The following SLC11A1 variants were observed in gnomAD, a reference collection of about 807,000 sequenced individuals.
SLC11A1 encodes the protein natural resistance-associated macrophage protein 1.
SLC11A1 carries 59 observed loss-of-function variants against 63.2 expected under a neutral mutation model. The ratio of observed to expected loss-of-function variants is 0.93; its 90% CI spans 0.76 to 1.16. SLC11A1 has a LOEUF of 1.16. Among genes scored for constraint, SLC11A1 ranks in the 50% most tolerant of loss-of-function variants. The pLI is 0.00. For synonymous variants in SLC11A1, 305 were observed against 307.8 expected, an observed-to-expected ratio of 0.99 and a Z score of 0.09; for missense variants, 688 against 730.7, an observed-to-expected ratio of 0.94 and a Z score of 0.67.
chr2:218,387,685 C>T, intron 7 of SLC11A1, 53 bp downstream of exon 7: 3 of 1,612,538 alleles, frequency 1.9e-6, no homozygotes, highest in Non-Finnish European at 2.5e-6. Flanking sequence ...TCATTCCTCT[C>T]CCTTCCCTCT....
At chr2:218,390,444 T>A (rs1000204732) in intron 9 of SLC11A1, among the ~76,000 whole-genome samples, 4 of 152,196 alleles carry the variant, frequency 2.6e-5, no homozygotes, top group Non-Finnish European at 2.9e-5. Context: ...GAAAAGGAAC[T>A]AGCCAGCTCC....
At position 218,387,955 on chromosome 2, in the gene SLC11A1, G is replaced by A. The variant is rs1696203874; in HGVS notation, c.795G>A (p.Lys265=). ...HNIYLHSALV[K]SREIDRARRA... ...TCTACCTGCACTCGGCCCTGGTCAA[G>A]GTGAGCAGAGGGGAGGGGAAAGGAG... The change falls in exon 8 of 15, where the codon AAG becomes AAA. Residue 265 remains lysine (K), a splice_region_variant and synonymous_variant. Coordinates refer to ENST00000233202, the MANE Select transcript of SLC11A1 (RefSeq NM_000578.4). The A allele has an allele frequency of 6.2e-7, 1 of 1,600,836 alleles. No individual in the cohort carries two copies. Among genetic ancestry groups the A allele is most frequent in the African/African-American group, 1.3e-5 (1 of 74,730 alleles).
intron 8 of SLC11A1, 91 bp downstream of exon 8, chr2:218,388,046 C>T: frequency 7.2e-7 from 1 of 1,396,254 alleles, no homozygotes; most frequent in South Asian, 1.5e-5. Flanking sequence ...CCCTCTGGCT[C>T]CTTCCCTCAG....
chr2:218,389,904 T>A lies in SLC11A1; in HGVS notation c.830T>A (p.Ile277Asn), dbSNP rs766937222. 6.2e-7 allele frequency: 1 copy of A among 1,613,834 alleles called. No individual in the cohort carries two copies. The highest frequency in any genetic ancestry group is 1.1e-5 in the South Asian group (1 of 91,068). ...ATAGACCGGGCCCGCCGAGCAGACA[T>A]CAGAGAAGCCAACATGTACTTCCTG... ...REIDRARRAD[I>N]REANMYFLIE... Residue 277 changes from isoleucine to asparagine, a missense_variant, in exon 9 of 15, where the codon ATC becomes AAC. Physicochemically the swap from Ile to Asn is moderately radical, Grantham distance 149. Transcript: ENST00000233202.
At chr2:218,392,688 T>G in intron 11 of SLC11A1, 17 of 333,706 alleles carry the variant, frequency 5.1e-5, no homozygotes, top group Non-Finnish European at 5.5e-5. Context: ...ATTTTACAGA[T>G]GAGAAAACAG....
chr2:218,389,273 G>A (rs1296561294), intron 8 of SLC11A1, among the ~76,000 whole-genome samples: 1 of 151,614 alleles, frequency 6.6e-6, no homozygotes, highest in Non-Finnish European at 1.5e-5. Context: ...ACAAGGCTTG[G>A]GTCCCTAACA....
chr2:218,384,504 C>A lies in SLC11A1; in HGVS notation c.273+139C>A. On this transcript the variant is annotated intron_variant, in intron 3 of 14. Coordinates refer to ENST00000233202, the MANE Select transcript of SLC11A1 (RefSeq NM_000578.4). The surrounding 1 kb of genome is among the most constrained non-coding windows in gnomAD (Gnocchi z 4.0). The stretch of plus-strand genomic sequence containing the variant: ...GTTCAAATGGGCCCGAAAAGGGTCC[C>A]CAGGGCAGCCCTGCCAGAAGGTGGG... 1 of 968,256 alleles carries A rather than the reference C, an allele frequency of 1.0e-6. No homozygotes were observed. 60.0% of individuals were successfully genotyped at this position (968,256 alleles called of 1,614,324 possible). A position where few individuals can be genotyped will look rare whatever the true frequency, so the allele number is the denominator to read the frequency against.
intron 4 of SLC11A1, 187 bp downstream of exon 4, chr2:218,385,453 C>T (rs1230832396): frequency 5.5e-6 from 4 of 721,120 alleles, no homozygotes; most frequent in East Asian, 3.3e-5. Context: ...TGCAATGGTG[C>T]GATGTCAGCT....
rs1695887829 is a variant in SLC11A1, at chr2:218,383,036, G to A, written c.84G>A (p.Gly28=). ...GCCCGACCAGCCCGACCAGCCCAGG[G>A]CCACAGCAAGCACCTCCCAGAGAGA... ...ISSPTSPTSP[G]PQQAPPRETY... Residue 28 remains glycine, a synonymous_variant, in exon 2 of 15, where the codon GGG becomes GGA. Transcript: ENST00000233202. 3 of 1,613,950 alleles carry A rather than the reference G, an allele frequency of 1.9e-6. No individual in the cohort carries two copies. The highest frequency in any genetic ancestry group is 2.2e-5 in the East Asian group (1 of 44,870).
chr2:218,394,547 G>A (rs2279015), intron 13 of SLC11A1, 85 bp from the exon 14 acceptor site: 588,928 of 1,462,860 alleles, frequency 0.4, 127,045 homozygotes, highest in African/African-American at 0.84. Context: ...CCCACCCCCA[G>A]TGTGGGCGCT....
chr2:218,386,152 G>A (rs1209045332), intron 4 of SLC11A1, among the ~76,000 whole-genome samples: 3 of 152,144 alleles, frequency 2.0e-5, no homozygotes, highest in Non-Finnish European at 4.4e-5. Flanking sequence ...AGAAGCAGGG[G>A]GAGAAAATGG....
chr2:218,387,636 G>C lies in SLC11A1; in HGVS notation c.639+4G>C, dbSNP rs758838129. On this transcript the variant is annotated splice_donor_region_variant and intron_variant, in intron 7 of 14. Coordinates refer to ENST00000233202, the MANE Select transcript of SLC11A1 (RefSeq NM_000578.4). ...GGCCTTGACCTTTGGCTATGAGGTA[G>C]GAAGCCAGTGCTGCAACCCCACTGT... 6.2e-7 allele frequency: 1 copy of C among 1,614,064 alleles called. No individual in the cohort carries two copies. Among genetic ancestry groups the C allele is most frequent in the Non-Finnish European group, 8.5e-7 (1 of 1,179,982 alleles).
rs753317112 is a variant in SLC11A1, at chr2:218,391,385, C to T, written c.1054C>T (p.Leu352=). The change falls in exon 11 of 15, where the codon CTG becomes TTG. Residue 352 remains leucine, a synonymous_variant. Coordinates refer to ENST00000233202, the MANE Select transcript of SLC11A1 (RefSeq NM_000578.4). ...ACACTCGTCCCTGCAGGGCGTGATC[C>T]TGGGCTGCCTGTTCGGCCCCGCGGC... ...AVDIYQGGVI[L]GCLFGPAALY... is the part of the protein sequence containing the mutation. 1 of 1,613,986 alleles carries T rather than the reference C, an allele frequency of 6.2e-7. No homozygotes were observed. The highest frequency in any genetic ancestry group is 8.5e-7 in the Non-Finnish European group (1 of 1,179,924).
At position 218,388,569 on chromosome 2, in the gene SLC11A1, G is replaced by A. The variant is rs570120313; in HGVS notation, c.795+614G>A. Reference sequence around the variant, plus strand: ...AGCACTTCAGGAGGCCGAGGCGGGCGGGCGGATCACGAGGTCAGGAGTTTG... The same window carrying A: ...AGCACTTCAGGAGGCCGAGGCGGGCAGGCGGATCACGAGGTCAGGAGTTTG... On this transcript the variant is annotated intron_variant, in intron 8 of 14. Transcript: ENST00000233202. Among the ~76,000 whole-genome samples the A allele has an allele frequency of 1.9e-4, 29 of 151,848 alleles. No individual in the cohort carries two copies. In the South Asian group the frequency reaches 2.7e-3, roughly 14 times the overall value.
rs1478186576 is a variant in SLC11A1 at position 218,396,402 on chromosome 2, G to A, written c.*1367G>A. On this transcript the variant is annotated 3_prime_UTR_variant, in exon 15 of 15. Transcript: ENST00000233202. Reference sequence around the variant, plus strand: ...CAGGACCTGCGGAGGGCCGCAGCGAGGAGAGGCCAACAGGCCTTTCCCTAG... The same window carrying A: ...CAGGACCTGCGGAGGGCCGCAGCGAAGAGAGGCCAACAGGCCTTTCCCTAG... 6.6e-6 allele frequency: 1 copy of A among 152,434 alleles called. No homozygotes were observed. The highest frequency in any genetic ancestry group is 1.5e-5 in the Non-Finnish European group (1 of 68,100). 9.4% of individuals were successfully genotyped at this position (152,434 alleles called of 1,614,324 possible).
rs1696149704 is a variant in SLC11A1, at chr2:218,387,150, C to G, written c.501-10C>G. 1 of 1,614,096 alleles carries G rather than the reference C, an allele frequency of 6.2e-7. No individual in the cohort carries two copies. Among genetic ancestry groups the G allele is most frequent in the Non-Finnish European group, 8.5e-7 (1 of 1,179,902 alleles). On this transcript the variant is annotated splice_polypyrimidine_tract_variant and intron_variant, in intron 5 of 14. Transcript: ENST00000233202. The stretch of plus-strand genomic sequence containing the variant: ...CCAGGCTGGGCTGACCCGGGCCACT[C>G]TGGTTTCAGAATCCCACTCTGGGGT...
chr2:218,386,582 C>A, intron 4 of SLC11A1, 53 bp from the exon 5 acceptor site: 1 of 1,287,636 alleles, frequency 7.8e-7, no homozygotes. Flanking sequence ...TAGTCTGAGA[C>A]GACAGGCAAA....
Position 218,394,550 on chromosome 2 carries a change from T to C in SLC11A1, c.1389-82T>C, listed in dbSNP as rs575577537. ...CCTCAGTGTATCCCCACCCCCAGTGTGGGCGCTGGGAGATGAAGAGGAGTT... is the reference window on the plus strand; with the variant it reads ...CCTCAGTGTATCCCCACCCCCAGTGCGGGCGCTGGGAGATGAAGAGGAGTT... On this transcript the variant is annotated intron_variant, in intron 13 of 14. Transcript: ENST00000233202. The C allele has an allele frequency of 4.9e-5, 72 of 1,466,716 alleles. No homozygotes were observed. In the South Asian group the frequency reaches 7.9e-4, roughly 16 times the overall value. 90.9% of individuals were successfully genotyped at this position (1,466,716 alleles called of 1,614,324 possible).
In SLC11A1 at chr2:218,394,122, C is replaced by T; in HGVS notation, c.1317C>T (p.Leu439=). Residue 439 remains leucine (L), a splice_region_variant and synonymous_variant, in exon 13 of 15, where the codon CTC becomes CTT. Coordinates refer to ENST00000233202, the MANE Select transcript of SLC11A1 (RefSeq NM_000578.4). The stretch of plus-strand genomic sequence containing the variant: ...TAGGCTCCTGCTGCTCTCCCCAGCT[C>T]CCGTTCGCCGTGCTGCCCATCCTCA... ...DLLNVLQSLL[L]PFAVLPILTF... 3 of 1,614,134 alleles carry T rather than the reference C, an allele frequency of 1.9e-6. No individual in the cohort carries two copies. Among genetic ancestry groups the T allele is most frequent in the Non-Finnish European group, 2.5e-6 (3 of 1,180,010 alleles).
Sources: allele counts gnomAD v4.1 joint callset (sites outside exome capture counted in the v4.1 genomes callset), GRCh38; gene constraint gnomAD v4.1.1; non-coding constraint Gnocchi (gnomAD v3.1); transcripts MANE v1.5; gene names NCBI Gene and HGNC (gene_info 2026-07-23, HGNC 2026-07-21).